CPD: variants seen among roughly 807,000 people sequenced by gnomAD.
The protein encoded by CPD is carboxypeptidase D.
CPD carries 69 observed loss-of-function variants against 138.3 expected under a neutral mutation model. The observed-to-expected ratio is 0.50, with a 90% CI of 0.41 to 0.61. CPD has a LOEUF of 0.61. Among genes scored for constraint, CPD ranks in the 20% least tolerant of loss-of-function variants. The probability of loss-of-function intolerance (pLI) is 0.00; values close to 1 mark genes in which losing one functional copy is unlikely to be tolerated. For synonymous variants in CPD, 651 were observed against 642.1 expected, an observed-to-expected ratio of 1.01 and a Z score of -0.21; for missense variants, 1,432 against 1,733.3, an observed-to-expected ratio of 0.83 and a Z score of 3.09.
intron 2 of CPD, among the ~76,000 whole-genome samples, chr17:30,398,238 CAGAATAGAATAAT>C (rs1911561826): frequency 1.8e-5 from 1 of 55,152 alleles, no homozygotes; most frequent in African/African-American, 5.3e-5. Context: ...TAGAATAGAA[CAGAATAGAATAAT>C]AGAATAGAAT....
chr17:30,459,877 T>A (rs1374281143), intron 17 of CPD, among the ~76,000 whole-genome samples: 1 of 152,210 alleles, frequency 6.6e-6, no homozygotes, highest in Non-Finnish European at 1.5e-5. Context: ...GGCTGATCAT[T>A]TTATTCACAT....
chr17:30,407,468 C>T (rs1377540898), intron 2 of CPD, among the ~76,000 whole-genome samples: 2 of 152,172 alleles, frequency 1.3e-5, no homozygotes, highest in Non-Finnish European at 2.9e-5. Flanking sequence ...TACATCGTCT[C>T]CAGTATCTAT....
chr17:30,441,813 CA>C (rs1465840672), intron 9 of CPD, among the ~76,000 whole-genome samples: 12 of 147,420 alleles, frequency 8.1e-5, no homozygotes, highest in Non-Finnish European at 1.7e-4. Context: ...TTCAGTTTGC[CA>C]GTATTTTATT....
chr17:30,396,597 AAC>A (rs1911514151), intron 2 of CPD, among the ~76,000 whole-genome samples: 1 of 152,238 alleles, frequency 6.6e-6, no homozygotes, highest in African/African-American at 2.4e-5. Context: ...AGTATCTTAA[AAC>A]ACATGAAGAT....
intron 17 of CPD, among the ~76,000 whole-genome samples, chr17:30,458,855 G>C (rs1913372353): frequency 7.6e-6 from 1 of 130,922 alleles, no homozygotes; most frequent in African/African-American, 3.0e-5. Context: ...AACAGAGTGA[G>C]ACCCTGTCTC....
At chr17:30,397,491 G>C (rs539426662) in intron 2 of CPD, among the ~76,000 whole-genome samples, 1 of 152,200 alleles carries the variant, frequency 6.6e-6, no homozygotes, top group African/African-American at 2.4e-5. Flanking sequence ...CTGGCACTTT[G>C]GGAGGCCGAT....
chr17:30,428,980 T>C (rs1912493403), intron 7 of CPD, among the ~76,000 whole-genome samples: 1 of 152,174 alleles, frequency 6.6e-6, no homozygotes, highest in Admixed American at 6.5e-5. Context: ...TAGTGGAGAC[T>C]TCATGTCATA....
chr17:30,437,889 T>C (rs1293156615), intron 8 of CPD, among the ~76,000 whole-genome samples: 1 of 152,006 alleles, frequency 6.6e-6, no homozygotes, highest in African/African-American at 2.4e-5. Context: ...CAGGCTGTAG[T>C]GCAGTGGTGC....
rs971676197 is a variant in CPD, at chr17:30,421,802, G to A, written c.1276G>A (p.Gly426Arg). 1.4e-5 allele frequency: 23 copies of A among 1,613,262 alleles called. No individual in the cohort carries two copies. Among genetic ancestry groups the A allele is most frequent in the South Asian group, 5.5e-5 (5 of 91,040 alleles). ...FGDFYRLLVPGTYNLTVVLTG... is the reference protein window; with the variant it reads ...FGDFYRLLVPRTYNLTVVLTG... ...TGATTTCTACCGATTACTTGTTCCTGGAACTTACAACCTTACAGTAGTTTT... is the reference window on the plus strand; with the variant it reads ...TGATTTCTACCGATTACTTGTTCCTAGAACTTACAACCTTACAGTAGTTTT... The change falls in exon 4 of 21, where the codon GGA becomes AGA. Residue 426 changes from glycine (G) to arginine (R), a missense_variant. By Grantham distance (125) the Gly-to-Arg change is moderately radical (BLOSUM62 -2). Transcript: ENST00000225719.
intron 2 of CPD, among the ~76,000 whole-genome samples, chr17:30,417,931 T>C (rs1912157323): frequency 6.6e-6 from 1 of 152,188 alleles, no homozygotes; most frequent in Non-Finnish European, 1.5e-5. Flanking sequence ...AGCTCTGTGC[T>C]GCTGCCCTCA....
Position 30,468,349 on chromosome 17 carries a change from T to A in CPD, c.*3535T>A, listed in dbSNP as rs1055124896. The A allele has an allele frequency of 1.3e-5, 2 of 152,630 alleles. No individual in the cohort carries two copies. Among genetic ancestry groups the A allele is most frequent in the Non-Finnish European group, 2.9e-5 (2 of 68,018 alleles). The allele number at this position is 152,630 out of a possible 1,614,324, so 9.5% of individuals were successfully genotyped here. A position where few individuals can be genotyped will look rare whatever the true frequency, so the allele number is the denominator to read the frequency against. On this transcript the variant is annotated 3_prime_UTR_variant, in exon 21 of 21. Coordinates refer to ENST00000225719, the MANE Select transcript of CPD (RefSeq NM_001304.5). ...TATGCTGGCCATGCTACAGATTTTC[T>A]GGAGGTATGACAATAGTATTTTTTT...
Position 30,379,283 on chromosome 17 carries a change from C to A in CPD, c.303C>A (p.Ala101=), listed in dbSNP as rs17854354. 1 of 1,509,710 alleles carries A rather than the reference C, an allele frequency of 6.6e-7. No individual in the cohort carries two copies. Among genetic ancestry groups the A allele is most frequent in the Non-Finnish European group, 8.8e-7 (1 of 1,135,782 alleles). The allele number at this position is 1,509,710 out of a possible 1,614,324, so 93.5% of individuals were successfully genotyped here. A position where few individuals can be genotyped will look rare whatever the true frequency, so the allele number is the denominator to read the frequency against. Residue 101 remains alanine, a synonymous_variant, in exon 1 of 21, where the codon GCC becomes GCA. Coordinates refer to ENST00000225719, the MANE Select transcript of CPD (RefSeq NM_001304.5). This position sits in a 1 kb window ranked among gnomAD's most constrained non-coding sequence, Gnocchi z 7.0. ...GRPLWVLRLT[A]GLGSLIPEGD... ...CGCTGTGGGTGCTTCGCCTCACCGC[C>A]GGCCTGGGGTCGCTAATCCCTGAGG...
chr17:30,388,612 G>A (rs1911261065), intron 2 of CPD, among the ~76,000 whole-genome samples: 1 of 152,322 alleles, frequency 6.6e-6, no homozygotes, highest in Admixed American at 6.5e-5. Flanking sequence ...GCATCTCCAA[G>A]CCTGCAAGGG....
chr17:30,395,036 G>A (rs1379465397), intron 2 of CPD, among the ~76,000 whole-genome samples: 1 of 152,002 alleles, frequency 6.6e-6, no homozygotes, highest in African/African-American at 2.4e-5. Flanking sequence ...TTGGGAGAGA[G>A]GTCAAGATGA....
intron 6 of CPD, among the ~76,000 whole-genome samples, chr17:30,426,781 GGTT>G (rs1279323011): frequency 6.6e-6 from 1 of 152,182 alleles, no homozygotes; most frequent in East Asian, 1.9e-4. Flanking sequence ...TTTTGGGAAA[GGTT>G]GTTATCATCC....
chr17:30,459,805 G>A lies in CPD; in HGVS notation c.3499-1375G>A, dbSNP rs74789857. Among the ~76,000 whole-genome samples, 21 of 152,236 alleles carry A rather than the reference G, an allele frequency of 1.4e-4. No individual in the cohort carries two copies. In the East Asian group the frequency reaches 3.9e-3, roughly 28 times the overall value. On this transcript the variant is annotated intron_variant, in intron 17 of 20. Transcript: ENST00000225719. ...TTTAGGTCTTCTTTAATTTCTGACA[G>A]CATTTTAATTCATTGTCCATCCACT...
intron 2 of CPD, among the ~76,000 whole-genome samples, chr17:30,414,395 G>A (rs1205156678): frequency 6.6e-6 from 1 of 152,088 alleles, no homozygotes; most frequent in Non-Finnish European, 1.5e-5. Context: ...CCAACATGGT[G>A]AAACCCCGTC....
At chr17:30,446,818 C>T (rs1328462215) in intron 12 of CPD, among the ~76,000 whole-genome samples, 2 of 152,160 alleles carry the variant, frequency 1.3e-5, no homozygotes, top group African/African-American at 4.8e-5. Context: ...CCTATTTCTC[C>T]ACATCCTCTC....
intron 2 of CPD, among the ~76,000 whole-genome samples, chr17:30,394,447 T>C (rs1294448214): frequency 6.6e-6 from 1 of 152,210 alleles, no homozygotes; most frequent in Non-Finnish European, 1.5e-5. Context: ...AGCTTTTTGT[T>C]TATACAGTAC....
Sources: gnomAD v4.1 joint callset for allele counts (sites outside exome capture counted in the v4.1 genomes callset) on GRCh38, gnomAD v4.1.1 for gene constraint, Gnocchi (gnomAD v3.1) non-coding constraint, MANE v1.5 for transcripts, NCBI Gene and HGNC (gene_info 2026-07-23, HGNC 2026-07-21) for gene names.